Variants in TM7SF2 observed in about 807,000 individuals in gnomAD.
TM7SF2 encodes the protein delta(14)-sterol reductase TM7SF2.
TM7SF2 carries 51 observed loss-of-function variants against 51.0 expected under a neutral mutation model. That is an observed-to-expected ratio of 1.00 (90% CI 0.80 to 1.26). TM7SF2 has a LOEUF of 1.26. Among genes scored for constraint, TM7SF2 ranks in the 50% most tolerant of loss-of-function variants. The pLI, the probability that TM7SF2 is intolerant of heterozygous loss-of-function variation, is 0.00. For missense variants in TM7SF2, 541 were observed against 547.4 expected (o/e 0.99, Z 0.12); for synonymous variants, 255 against 241.0 (o/e 1.06, Z -0.54).
intron 5 of TM7SF2, 24 bp from the exon 6 acceptor site, chr11:65,114,673 CCACTTCTGTGGAGACT>C: frequency 6.2e-7 from 1 of 1,603,448 alleles, no homozygotes; most frequent in South Asian, 1.1e-5. Flanking sequence ...CCCAAGGCTG[CCACTTCTGTGGAGACT>C]ATTGCCTTGT....
Position 65,112,814 on chromosome 11 carries a change from G to T in TM7SF2, c.253G>T (p.Ala85Ser), listed in dbSNP as rs1947926261. The stretch of plus-strand genomic sequence containing the variant: ...CAGAGCCCCCTTGGACCCGCAGGTG[G>T]CCGAGGGGCAGGAATTGAAGGACAA... ...ALYLLPARKVAEGQELKDKSR... is the reference protein window; with the variant it reads ...ALYLLPARKVSEGQELKDKSR... Residue 85 changes from alanine (A) to serine (S), a missense_variant, in exon 3 of 10, where the codon GCC (alanine) becomes TCC (serine). Coordinates refer to ENST00000279263, the MANE Select transcript of TM7SF2 (RefSeq NM_003273.6). 2.6e-6 allele frequency: 4 copies of T among 1,550,386 alleles called. No individual in the cohort carries two copies. The highest frequency in any genetic ancestry group is 3.5e-6 in the Non-Finnish European group (4 of 1,146,978).
rs1425952804 is a variant in TM7SF2 at position 65,115,234 on chromosome 11, G to C, written c.893-80G>C. 1.9e-6 allele frequency: 3 copies of C among 1,596,404 alleles called. No homozygotes were observed. The African/African-American group carries it at 4.0e-5, about 21-fold the overall frequency. ...GGGTCCAGGCAGAGTCTGGGCTGCA[G>C]ACAAGTTGGGCAGATGTTCGGGGTC... On this transcript the variant is annotated intron_variant, in intron 7 of 9. Transcript: ENST00000279263.
At chr11:65,114,542 A>C in intron 5 of TM7SF2, 171 bp from the exon 6 acceptor site, 1 of 768,350 alleles carries the variant, frequency 1.3e-6, no homozygotes, top group South Asian at 1.8e-5. Flanking sequence ...CAAGGCAAGA[A>C]GAAACAGGCT....
rs183249527 is a variant in TM7SF2 at position 65,114,756 on chromosome 11, G to A, written c.647G>A (p.Arg216Gln). The change falls in exon 6 of 10, where the codon CGA becomes CAA. Residue 216 changes from arginine (R) to glutamine (Q), a missense_variant. Transcript: ENST00000279263. ...CTGTTGATGAAGGAGGCAGAGCTTC[G>A]AGGCAGTCCCTCACTGGCCATGTGG... ...LALLMKEAEL[R>Q]GSPSLAMWLV... The A allele has an allele frequency of 1.6e-3, 2,571 of 1,614,232 alleles. 14 individuals are homozygous for A. Among genetic ancestry groups the A allele is most frequent in the Non-Finnish European group, 1.2e-3 (1,457 of 1,180,042 alleles).
chr11:65,115,849 G>T (rs373673390), intron 9 of TM7SF2, 44 bp from the exon 10 acceptor site: 1 of 1,613,786 alleles, frequency 6.2e-7, no homozygotes, highest in South Asian at 1.1e-5. Flanking sequence ...GAACTGCGGG[G>T]TGGAGGGGCC....
At chr11:65,112,193 C>G in intron 1 of TM7SF2, 126 bp downstream of exon 1, 1 of 986,580 alleles carries the variant, frequency 1.0e-6, no homozygotes, top group Non-Finnish European at 1.5e-6. Context: ...CAGAGGGACC[C>G]GGGGGTTTGC....
In TM7SF2 at chr11:65,115,358, A is replaced by T. The variant is rs778210498; in HGVS notation, c.937A>T (p.Thr313Ser). ...CCGTGGGGCGAATTCCCAGAAAAAC[A>T]CTTTCCGAAAGAATCCTTCTGACCC... ...IFRGANSQKN[T>S]FRKNPSDPRV... Residue 313 changes from threonine (T) to serine (S), a missense_variant, in exon 8 of 10, where the codon ACT becomes TCT. By Grantham distance (58) the Thr-to-Ser change is moderately conservative. Coordinates refer to ENST00000279263, the MANE Select transcript of TM7SF2 (RefSeq NM_003273.6). 67 of 1,614,060 alleles carry T rather than the reference A, an allele frequency of 4.2e-5. No homozygotes were observed. The highest frequency in any genetic ancestry group is 1.7e-5 in the Admixed American group (1 of 60,010).
chr11:65,115,136 C>A, intron 7 of TM7SF2, 55 bp downstream of exon 7: 1 of 1,602,838 alleles, frequency 6.2e-7, no homozygotes. Flanking sequence ...CCCTTTGATT[C>A]ATGCTCTGTT....
In TM7SF2 at chr11:65,115,875, G is replaced by A. The variant is rs762688993; in HGVS notation, c.1097-18G>A. On this transcript the variant is annotated intron_variant, in intron 9 of 9. Transcript: ENST00000279263. Reference sequence around the variant, plus strand: ...TGGAGGGGCCGGCAGGGTGGTCACAGAGCCTCCTTCTCTACAGGGGTGTCA... The same window carrying A: ...TGGAGGGGCCGGCAGGGTGGTCACAAAGCCTCCTTCTCTACAGGGGTGTCA... The A allele has an allele frequency of 1.7e-5, 28 of 1,613,886 alleles. No homozygotes were observed. The highest frequency in any genetic ancestry group is 2.3e-5 in the Non-Finnish European group (27 of 1,179,996).
In TM7SF2 at chr11:65,116,097, A is replaced by T. The variant is rs371857068; in HGVS notation, c.*44A>T. ...GGTGGGGGCATGTGCCCACTCATCC[A>T]CCAGCACACCCAGGACCAGGAGCCT... On this transcript the variant is annotated 3_prime_UTR_variant, in exon 10 of 10. Transcript: ENST00000279263. The T allele has an allele frequency of 1.5e-4, 231 of 1,583,038 alleles. No individual in the cohort carries two copies. Among genetic ancestry groups the T allele is most frequent in the Non-Finnish European group, 1.9e-4 (226 of 1,167,884 alleles).
In TM7SF2 at chr11:65,115,511, C is replaced by G; in HGVS notation, c.1009C>G (p.Leu337Val). 6.2e-7 allele frequency: 1 copy of G among 1,614,140 alleles called. No individual in the cohort carries two copies. Among genetic ancestry groups the G allele is most frequent in the Non-Finnish European group, 8.5e-7 (1 of 1,180,014 alleles). Residue 337 changes from leucine to valine, a missense_variant, in exon 9 of 10, where the codon CTG becomes GTG. Transcript: ENST00000279263. ...CATCTCTACAGCCACAGGGCGGAAA[C>G]TGCTGGTGTCTGGGTGGTGGGGTAT... The part of the protein sequence containing the change: ...ETISTATGRK[L>V]LVSGWWGMVR...
In TM7SF2 at chr11:65,112,004, G is replaced by C; in HGVS notation, c.-12G>C. On this transcript the variant is annotated 5_prime_UTR_variant, in exon 1 of 10. Coordinates refer to ENST00000279263, the MANE Select transcript of TM7SF2 (RefSeq NM_003273.6). ...ATTGTGAGCGCCCTCTCTCTCCGGCGGAGCGGAGACCATGGCCCCCACTCA... is the reference window on the plus strand; with the variant it reads ...ATTGTGAGCGCCCTCTCTCTCCGGCCGAGCGGAGACCATGGCCCCCACTCA... 2 of 1,580,548 alleles carry C rather than the reference G, an allele frequency of 1.3e-6. No homozygotes were observed. The highest frequency in any genetic ancestry group is 2.3e-5 in the South Asian group (2 of 86,290).
Position 65,113,353 on chromosome 11 carries a change from CTT to C in TM7SF2, c.440_441del (p.Phe147SerfsTer46), listed in dbSNP as rs778647449. 8.1e-6 allele frequency: 13 copies of C among 1,614,030 alleles called. No homozygotes were observed. Among genetic ancestry groups the C allele is most frequent in the Non-Finnish European group, 1.1e-5 (13 of 1,180,048 alleles). On this transcript the variant is annotated frameshift_variant, in exon 4 of 10. Transcript: ENST00000279263. LOFTEE classifies it high-confidence loss of function. The part of the protein sequence containing the change: ...ATLTAFIFSL[F>X]LYMKAQVAPV... ...CCCTCACCGCTTTCATCTTCAGCCT[CTT>C]TCTCTACATGAAGGCGCAGGTAGCC...
intron 5 of TM7SF2, chr11:65,113,814 G>A (rs1377274221): frequency 5.1e-6 from 3 of 587,736 alleles, no homozygotes; most frequent in Non-Finnish European, 9.1e-6. Context: ...CATTCTGGTG[G>A]GAAAGACAGA....
chr11:65,115,622 G>T (rs1416071963), intron 9 of TM7SF2, 24 bp downstream of exon 9: 1 of 1,613,238 alleles, frequency 6.2e-7, no homozygotes, highest in Non-Finnish European at 8.5e-7. Context: ...GTGGATATGG[G>T]TAGGGACATG....
At chr11:65,114,563 C>G (rs1332418882) in intron 5 of TM7SF2, 150 bp from the exon 6 acceptor site, 1 of 976,422 alleles carries the variant, frequency 1.0e-6, no homozygotes, top group African/African-American at 1.6e-5. Flanking sequence ...GCGGGCACCT[C>G]CCTGTCCACA....
intron 3 of TM7SF2, 165 bp from the exon 4 acceptor site, chr11:65,113,055 C>T: frequency 2.0e-6 from 2 of 1,024,590 alleles, no homozygotes; most frequent in Middle Eastern, 3.2e-4. Flanking sequence ...TACTGCTACT[C>T]CGTGCACCAC....
At chr11:65,112,893 G>T in intron 3 of TM7SF2, 28 bp downstream of exon 3, 7 of 1,549,824 alleles carry the variant, frequency 4.5e-6, no homozygotes, top group Non-Finnish European at 6.1e-6. Flanking sequence ...CCTCGCGCTG[G>T]AGTTAAGCGG....
chr11:65,112,094 G>T (rs1170500876), intron 1 of TM7SF2, 27 bp downstream of exon 1: 8 of 1,585,368 alleles, frequency 5.0e-6, no homozygotes, highest in Non-Finnish European at 6.8e-6. Flanking sequence ...ATGGGACCTG[G>T]GGCAAAGGCT....
Sources: gnomAD v4.1 joint callset for allele counts on GRCh38, gnomAD v4.1.1 for gene constraint, MANE v1.5 for transcripts, NCBI Gene and HGNC (gene_info 2026-07-23, HGNC 2026-07-21) for gene names.